KIAA0319L: variants seen among roughly 807,000 people sequenced by gnomAD.
The protein encoded by KIAA0319L is dyslexia-associated protein KIAA0319-like protein.
Under a neutral mutation model 120.1 loss-of-function variants are expected in KIAA0319L, and 55 were observed. The ratio of observed to expected loss-of-function variants is 0.46; its 90% CI spans 0.37 to 0.57. The LOEUF is 0.57. Among genes scored for constraint, KIAA0319L ranks in the 20% least tolerant of loss-of-function variants. KIAA0319L has a pLI of 0.00. For missense variants in KIAA0319L, 1,049 were observed against 1,255.3 expected, an observed-to-expected ratio of 0.84 and a Z score of 2.48; for synonymous variants, 398 against 471.9, an observed-to-expected ratio of 0.84 and a Z score of 2.03.
At chr1:35,536,842 C>A (rs1410186533) in intron 2 of KIAA0319L, among the ~76,000 whole-genome samples, 1 of 150,028 alleles carries the variant, frequency 6.7e-6, no homozygotes, top group Non-Finnish European at 1.5e-5. Flanking sequence ...TATTTAAAGG[C>A]AGATTGAAGG....
chr1:35,447,062 C>T (rs1570626587), intron 16 of KIAA0319L, among the ~76,000 whole-genome samples: 1 of 152,078 alleles, frequency 6.6e-6, no homozygotes, highest in East Asian at 1.9e-4. Flanking sequence ...TCGTAAAGGG[C>T]CAGGTACTAC....
rs1645204553 is a variant in KIAA0319L at position 35,506,384 on chromosome 1, TC to T, written c.666+227del. On this transcript the variant is annotated intron_variant, in intron 3 of 20. Coordinates refer to ENST00000325722, the MANE Select transcript of KIAA0319L (RefSeq NM_024874.5). The surrounding 1 kb of genome is among the most constrained non-coding windows in gnomAD (Gnocchi z 4.0). Reference sequence around the variant, plus strand: ...GCTTAGACTAGATAATGAGCAGCTTTCTGCATTTACCAAAACAATGGTCAGA... The same window carrying T: ...GCTTAGACTAGATAATGAGCAGCTTTTGCATTTACCAAAACAATGGTCAGA... 6.6e-6 allele frequency among the ~76,000 whole-genome samples: 1 copy of T among 152,188 alleles called. No individual in the cohort carries two copies. The highest frequency in any genetic ancestry group is 1.5e-5 in the Non-Finnish European group (1 of 68,034).
Position 35,547,647 on chromosome 1 carries a change from G to A in KIAA0319L, c.142+6703C>T, listed in dbSNP as rs1480403145. On this transcript the variant is annotated intron_variant, in intron 2 of 20. Transcript: ENST00000325722. ...AAATAAGCCAGACACAAAAGGCCACGTATTGTACGATTCCATTTATGAAAT... is the reference window on the plus strand; with the variant it reads ...AAATAAGCCAGACACAAAAGGCCACATATTGTACGATTCCATTTATGAAAT... Among the ~76,000 whole-genome samples the A allele has an allele frequency of 2.6e-5, 4 of 152,274 alleles. No individual in the cohort carries two copies. In the East Asian group the frequency reaches 5.8e-4, roughly 22 times the overall value.
At chr1:35,549,991 A>AT (rs1647139512) in intron 2 of KIAA0319L, among the ~76,000 whole-genome samples, 1 of 152,214 alleles carries the variant, frequency 6.6e-6, no homozygotes. Context: ...ATCACTTCCT[A>AT]TTTGTCTCCA....
Position 35,433,951 on chromosome 1 carries a change from G to T in KIAA0319L, c.*943C>A. ...GGAGGGAGGCCGTCTGTCCAGCCTG[G>T]CTGCTCTGACAAGGGCCCTGGCAGC... On this transcript the variant is annotated 3_prime_UTR_variant, in exon 21 of 21. Transcript: ENST00000325722. The T allele has an allele frequency of 6.6e-6, 1 of 152,436 alleles. No individual in the cohort carries two copies. The highest frequency in any genetic ancestry group is 1.5e-5 in the Non-Finnish European group (1 of 68,148). The allele number at this position is 152,436 out of a possible 1,614,324, so 9.4% of individuals were successfully genotyped here.
intron 2 of KIAA0319L, among the ~76,000 whole-genome samples, chr1:35,531,344 G>C (rs1346941555): frequency 2.0e-5 from 3 of 152,190 alleles, no homozygotes; most frequent in African/African-American, 7.2e-5. Context: ...GTTCCTCTGG[G>C]CCCAACCAGT....
intron 3 of KIAA0319L, among the ~76,000 whole-genome samples, chr1:35,505,919 T>C (rs781288380): frequency 1.4e-4 from 21 of 152,210 alleles, no homozygotes; most frequent in Non-Finnish European, 2.1e-4. Flanking sequence ...TTCAACTTGA[T>C]AGAGACAACT....
Position 35,535,734 on chromosome 1 carries a change from T to TC in KIAA0319L, c.142+18615dup, listed in dbSNP as rs1048419590. On this transcript the variant is annotated intron_variant, in intron 2 of 20. Coordinates refer to ENST00000325722, the MANE Select transcript of KIAA0319L (RefSeq NM_024874.5). ...GGCCACCACTTTTTCCAGGAAGGCTTCTCCCATGAAACCTTCACCCCAAGA... is the reference window on the plus strand; with the variant it reads ...GGCCACCACTTTTTCCAGGAAGGCTTCCTCCCATGAAACCTTCACCCCAAGA... Among the ~76,000 whole-genome samples, 196 of 152,286 alleles carry TC rather than the reference T, an allele frequency of 1.3e-3. 2 individuals are homozygous for TC. The highest frequency in any genetic ancestry group is 4.6e-3 in the African/African-American group (193 of 41,554).
intron 4 of KIAA0319L, among the ~76,000 whole-genome samples, chr1:35,475,333 T>C (rs900213977): frequency 2.6e-5 from 4 of 152,208 alleles, no homozygotes; most frequent in Admixed American, 6.6e-5. Context: ...GTTTCAAGTA[T>C]CACCTTTATG....
chr1:35,448,290 T>G lies in KIAA0319L; in HGVS notation c.2396A>C (p.Asn799Thr), dbSNP rs757439687. 1 of 1,614,136 alleles carries G rather than the reference T, an allele frequency of 6.2e-7. No individual in the cohort carries two copies. The change falls in exon 16 of 21, where the codon AAC becomes ACC. Residue 799 changes from asparagine (N) to threonine (T), a missense_variant. By Grantham distance (65) the Asn-to-Thr change is moderately conservative. Coordinates refer to ENST00000325722, the MANE Select transcript of KIAA0319L (RefSeq NM_024874.5). The part of the protein sequence containing the change: ...NNLVEIILDI[N>T]VSQLTERLKG... Reference sequence around the variant, plus strand: ...CAGCCTCTCAGTTAGCTGACTGACGTTGATATCCAAGATGATCTCCACCAG... The same window carrying G: ...CAGCCTCTCAGTTAGCTGACTGACGGTGATATCCAAGATGATCTCCACCAG...
In KIAA0319L at chr1:35,506,578, C is replaced by G. The variant is rs1391748404; in HGVS notation, c.666+34G>C. ...ATACCAAATGTAAGAGCAGATTTAA[C>G]CATTTCTCTGCTCCTTATTCATAGC... On this transcript the variant is annotated intron_variant, in intron 3 of 20. Coordinates refer to ENST00000325722, the MANE Select transcript of KIAA0319L (RefSeq NM_024874.5). This position sits in a 1 kb window ranked among gnomAD's most constrained non-coding sequence, Gnocchi z 4.0. The G allele has an allele frequency of 6.4e-7, 1 of 1,569,782 alleles. No individual in the cohort carries two copies. The highest frequency in any genetic ancestry group is 2.2e-5 in the East Asian group (1 of 44,644).
chr1:35,451,322 A>C (rs1642047584), intron 13 of KIAA0319L, among the ~76,000 whole-genome samples: 1 of 152,186 alleles, frequency 6.6e-6, no homozygotes, highest in African/African-American at 2.4e-5. Context: ...CAAAGAATAG[A>C]ACCCTTAATT....
intron 2 of KIAA0319L, among the ~76,000 whole-genome samples, chr1:35,518,790 G>C (rs946853298): frequency 4.6e-5 from 7 of 151,990 alleles, no homozygotes; most frequent in Admixed American, 3.9e-4. Context: ...GATTACTTGA[G>C]GTTAGGAGTT....
intron 3 of KIAA0319L, among the ~76,000 whole-genome samples, chr1:35,484,261 G>A (rs1183548715): frequency 6.6e-6 from 1 of 152,102 alleles, no homozygotes; most frequent in Non-Finnish European, 1.5e-5. Flanking sequence ...AGTGTTTCAT[G>A]TCTTTGGGTG....
intron 1 of KIAA0319L, chr1:35,554,755 TCC>T: frequency 3.3e-6 from 1 of 304,862 alleles, no homozygotes; most frequent in Non-Finnish European, 5.9e-6. Flanking sequence ...AACTTTATAT[TCC>T]TTTTTTTTTT....
chr1:35,554,592 G>C (rs1409372441), intron 1 of KIAA0319L, 73 bp from the exon 2 acceptor site: 1 of 1,115,104 alleles, frequency 9.0e-7, no homozygotes, highest in Non-Finnish European at 1.3e-6. Context: ...TGGAATGCTA[G>C]AAAATATGAC....
At chr1:35,482,426 A>G (rs1644210412) in intron 3 of KIAA0319L, among the ~76,000 whole-genome samples, 1 of 147,938 alleles carries the variant, frequency 6.8e-6, no homozygotes, top group African/African-American at 2.5e-5. Context: ...ACTCATCTAC[A>G]GGTCTTTTTT....
chr1:35,536,923 T>C (rs1247929382), intron 2 of KIAA0319L, among the ~76,000 whole-genome samples: 1 of 151,668 alleles, frequency 6.6e-6, no homozygotes, highest in Non-Finnish European at 1.5e-5. Flanking sequence ...CTGCATATGA[T>C]GTACTCAGAA....
chr1:35,499,336 A>G (rs187322652), intron 3 of KIAA0319L, among the ~76,000 whole-genome samples: 2 of 152,308 alleles, frequency 1.3e-5, no homozygotes, highest in Admixed American at 1.3e-4. Context: ...ATGAAGTTGG[A>G]GCCCTTGTGA....
Sources: gnomAD v4.1 joint callset for allele counts (sites outside exome capture counted in the v4.1 genomes callset) on GRCh38, gnomAD v4.1.1 for gene constraint, Gnocchi (gnomAD v3.1) non-coding constraint, MANE v1.5 for transcripts, NCBI Gene and HGNC (gene_info 2026-07-23, HGNC 2026-07-21) for gene names.